Variants in NR2C1 observed in about 807,000 individuals in gnomAD.
The protein encoded by NR2C1 is nuclear receptor subfamily 2 group C member 1, also known as TR2 nuclear hormone receptor.
In NR2C1, 33 loss-of-function variants were observed where a neutral mutation model predicts 74.8. That is an observed-to-expected ratio of 0.44 (90% CI 0.33 to 0.59). The LOEUF is 0.59. NR2C1 is among the 20% of genes least tolerant of loss of function. NR2C1 has a pLI of 0.02. For missense variants in NR2C1, 568 were observed against 715.6 expected (o/e 0.79, Z 2.35); for synonymous variants, 225 against 240.6 (o/e 0.94, Z 0.60).
At chr12:95,053,681 G>GTTTTTTTTTTTTTTTTTT (rs550069594) in intron 7 of NR2C1, among the ~76,000 whole-genome samples, 4 of 103,414 alleles carry the variant, frequency 3.9e-5, no homozygotes, top group African/African-American at 8.0e-5. Context: ...TCTTTTTGGT[G>GTTTTTTTTTTTTTTTTTT]TTTTTTTTTT....
intron 7 of NR2C1, among the ~76,000 whole-genome samples, chr12:95,055,008 C>T (rs2136168565): frequency 6.6e-6 from 1 of 152,292 alleles, no homozygotes; most frequent in East Asian, 1.9e-4. Flanking sequence ...ACATCTTGCA[C>T]CGCCCTTAAT....
intron 13 of NR2C1, among the ~76,000 whole-genome samples, chr12:95,023,587 TA>T (rs1427119630): frequency 1.7e-5 from 2 of 119,592 alleles, no homozygotes; most frequent in African/African-American, 8.8e-5. Flanking sequence ...GCCCACTACT[TA>T]TATAAATGTG....
intron 10 of NR2C1, 137 bp downstream of exon 10, chr12:95,040,339 T>C (rs1390017864): frequency 1.3e-6 from 1 of 749,164 alleles, no homozygotes; most frequent in Non-Finnish European, 2.0e-6. Flanking sequence ...TGATTTGTCA[T>C]TTGAATGACA....
Position 95,067,347 on chromosome 12 carries a change from T to A in NR2C1, c.38A>T (p.Glu13Val). 1 of 1,613,916 alleles carries A rather than the reference T, an allele frequency of 6.2e-7. No individual in the cohort carries two copies. Among genetic ancestry groups the A allele is most frequent in the South Asian group, 1.1e-5 (1 of 91,054 alleles). The change falls in exon 2 of 14, where the codon GAA (glutamate) becomes GTA (valine). Residue 13 changes from glutamate (E) to valine (V), a missense_variant. Glu to Val is a moderately radical substitution (Grantham distance 121). Coordinates refer to ENST00000333003, the MANE Select transcript of NR2C1 (RefSeq NM_003297.4). Reference sequence around the variant, plus strand: ...TAGACATACCTCTCCCATCTGTTGTTCAATAATTTGATGTGCAATTTCTTC... The same window carrying A: ...TAGACATACCTCTCCCATCTGTTGTACAATAATTTGATGTGCAATTTCTTC... ...TIEEIAHQII[E>V]QQMGEIVTEQ...
chr12:95,036,500 A>T (rs1428449472), intron 10 of NR2C1, among the ~76,000 whole-genome samples: 2 of 150,348 alleles, frequency 1.3e-5, no homozygotes, highest in African/African-American at 4.9e-5. Flanking sequence ...ACTACACTAT[A>T]TTGTGGGTTT....
chr12:95,041,955 T>C (rs1397379146), intron 9 of NR2C1, among the ~76,000 whole-genome samples: 1 of 152,172 alleles, frequency 6.6e-6, no homozygotes, highest in East Asian at 1.9e-4. Flanking sequence ...TATGTGGGCA[T>C]TAAAATTGGA....
intron 7 of NR2C1, among the ~76,000 whole-genome samples, chr12:95,053,619 T>G (rs906644931): frequency 1.3e-5 from 2 of 151,680 alleles, no homozygotes; most frequent in African/African-American, 4.8e-5. Flanking sequence ...TATGGCCTAC[T>G]GGGCCAACCC....
intron 12 of NR2C1, among the ~76,000 whole-genome samples, chr12:95,026,465 TG>T (rs1869381000): frequency 6.6e-6 from 1 of 152,170 alleles, no homozygotes; most frequent in Non-Finnish European, 1.5e-5. Context: ...TAAGAAATGT[TG>T]AATATGGAAA....
At chr12:95,036,474 G>C (rs998951652) in intron 10 of NR2C1, among the ~76,000 whole-genome samples, 2 of 150,558 alleles carry the variant, frequency 1.3e-5, no homozygotes, top group African/African-American at 4.9e-5. Context: ...ATAGGTACAG[G>C]TATTTTTCTC....
chr12:95,030,590 GATCT>G (rs1869958414), intron 11 of NR2C1: 10 of 1,613,320 alleles, frequency 6.2e-6, no homozygotes, highest in Non-Finnish European at 8.5e-6. Flanking sequence ...CCTTCTAGTA[GATCT>G]ATTTTTGATG....
At chr12:95,031,545 A>G in intron 10 of NR2C1, 57 bp from the exon 11 acceptor site, 1 of 1,359,704 alleles carries the variant, frequency 7.4e-7, no homozygotes, top group Non-Finnish European at 9.9e-7. Context: ...AGTTTTATAA[A>G]CCTTACAGCT....
intron 12 of NR2C1, among the ~76,000 whole-genome samples, chr12:95,027,841 A>G (rs553537333): frequency 6.6e-6 from 1 of 152,188 alleles, no homozygotes; most frequent in Non-Finnish European, 1.5e-5. Flanking sequence ...TCCAAAAAAA[A>G]CACTCTACCC....
chr12:95,041,771 A>G (rs77275888), intron 9 of NR2C1, among the ~76,000 whole-genome samples: 3,161 of 152,306 alleles, frequency 0.021, 102 homozygotes, highest in African/African-American at 0.072. Context: ...GAAAGTAAGT[A>G]CATGCAATAA....
At chr12:95,028,246 T>C (rs1202857580) in intron 12 of NR2C1, 141 bp downstream of exon 12, 2 of 637,400 alleles carry the variant, frequency 3.1e-6, no homozygotes, top group Non-Finnish European at 5.3e-6. Flanking sequence ...GATAACTCCA[T>C]GTTTAACCTT....
At chr12:95,025,088 G>C in intron 13 of NR2C1, 62 bp downstream of exon 13, 1 of 706,574 alleles carries the variant, frequency 1.4e-6, no homozygotes, top group Non-Finnish European at 2.3e-6. Flanking sequence ...GTAATAATGA[G>C]ATAACAGATC....
chr12:95,029,784 C>T (rs139640823), intron 11 of NR2C1, among the ~76,000 whole-genome samples: 3,127 of 152,180 alleles, frequency 0.021, 98 homozygotes, highest in African/African-American at 0.072. Context: ...GTCTTGAACT[C>T]CTGACCTCAT....
rs779810224 is a variant in NR2C1 at position 95,049,218 on chromosome 12, A to T, written c.981T>A (p.Leu327=). 3.6e-5 allele frequency: 58 copies of T among 1,613,796 alleles called. No individual in the cohort carries two copies. The highest frequency in any genetic ancestry group is 9.3e-5 in the African/African-American group (7 of 74,908). The change falls in exon 9 of 14, where the codon CTT becomes CTA. Residue 327 remains leucine, a synonymous_variant. Coordinates refer to ENST00000333003, the MANE Select transcript of NR2C1 (RefSeq NM_003297.4). ...TCTCTCCAGGATTCAATGCTTTTGCAAGAGTGTCAAATGCCCTGTATGAAG... is the reference window on the plus strand; with the variant it reads ...TCTCTCCAGGATTCAATGCTTTTGCTAGAGTGTCAAATGCCCTGTATGAAG... ...NGDVSRAFDT[L]AKALNPGEST... is the part of the protein sequence containing the mutation.
At chr12:95,072,470 A>AG (rs1565883930) in intron 1 of NR2C1, among the ~76,000 whole-genome samples, 6 of 150,320 alleles carry the variant, frequency 4.0e-5, no homozygotes, top group East Asian at 2.0e-4. Context: ...AAAAAAAAAA[A>AG]AAAAGAAAAA....
intron 1 of NR2C1, among the ~76,000 whole-genome samples, chr12:95,067,888 T>C (rs1178304188): frequency 6.7e-6 from 1 of 148,446 alleles, no homozygotes; most frequent in Non-Finnish European, 1.5e-5. Context: ...CTTTTTTTTT[T>C]TTTTTTTTTT....
Sources: gnomAD v4.1 joint callset for allele counts (sites outside exome capture counted in the v4.1 genomes callset) on GRCh38, gnomAD v4.1.1 for gene constraint, MANE v1.5 for transcripts, NCBI Gene and HGNC (gene_info 2026-07-23, HGNC 2026-07-21) for gene names.